The following MRPL33 variants were observed in gnomAD, a reference collection of about 807,000 sequenced individuals.
MRPL33 encodes the protein large ribosomal subunit protein bL33m.
A neutral mutation model predicts 10.1 loss-of-function variants in MRPL33; 5 were observed. The ratio of observed to expected loss-of-function variants is 0.49; its 90% CI spans 0.26 to 1.04. The LOEUF (loss-of-function observed/expected upper bound fraction) is 1.04, where lower values mean the gene tolerates loss of function less well. Ranked by LOEUF, MRPL33 falls within the 50% of genes least tolerant of loss-of-function variation. MRPL33 has a pLI of 0.14. For missense variants in MRPL33, 79 were observed against 78.1 expected (o/e 1.01, Z -0.04); for synonymous variants, 24 against 27.7 (o/e 0.87, Z 0.42).
intron 3 of MRPL33, among the ~76,000 whole-genome samples, chr2:27,778,368 T>C (rs1440127951): frequency 6.6e-6 from 1 of 152,114 alleles, no homozygotes; most frequent in Non-Finnish European, 1.5e-5. Flanking sequence ...AGTTCCTGGA[T>C]CTTCCTTGGG....
chr2:27,772,642 T>C, intron 1 of MRPL33, 32 bp from the exon 2 acceptor site: 1 of 1,543,828 alleles, frequency 6.5e-7, no homozygotes, highest in Non-Finnish European at 8.9e-7. Flanking sequence ...TATTTTTATT[T>C]TCTTTTCCAA....
In MRPL33 at chr2:27,774,524, C is replaced by G. The variant is rs1399909192; in HGVS notation, c.142C>G (p.Pro48Ala). 8.7e-6 allele frequency: 14 copies of G among 1,613,576 alleles called. No individual in the cohort carries two copies. Among genetic ancestry groups the G allele is most frequent in the African/African-American group, 1.3e-5 (1 of 75,024 alleles). The change falls in exon 3 of 4, where the codon CCA becomes GCA. Residue 48 changes from proline to alanine, a missense_variant. Pro to Ala is a conservative substitution (Grantham distance 27, BLOSUM62 -1). Transcript: ENST00000296102. ...REKLTLLHYD[P>A]VVKQRVLFVE... ...AAAACTGACTCTTTTGCATTATGATCCAGTTGGTAAGATCTGGGGAGGTTA... is the reference window on the plus strand; with the variant it reads ...AAAACTGACTCTTTTGCATTATGATGCAGTTGGTAAGATCTGGGGAGGTTA...
At chr2:27,772,466 G>A (rs1402493600) in intron 1 of MRPL33, 1 of 514,904 alleles carries the variant, frequency 1.9e-6, no homozygotes, top group African/African-American at 2.0e-5. Flanking sequence ...GAATTGTGTT[G>A]GTCTGATTGG....
At position 27,774,572 on chromosome 2, in the gene MRPL33, C is replaced by G. The variant is rs555547407; in HGVS notation, c.148+42C>G. Reference sequence around the variant, plus strand: ...TTAATGCTTCCAAGGCCTGTTGCCCCCTTTGTAGGCTGAACATCTGAACTC... The same window carrying G: ...TTAATGCTTCCAAGGCCTGTTGCCCGCTTTGTAGGCTGAACATCTGAACTC... On this transcript the variant is annotated intron_variant, in intron 3 of 3. Coordinates refer to ENST00000296102, the MANE Select transcript of MRPL33 (RefSeq NM_004891.4). 1.1e-4 allele frequency: 166 copies of G among 1,497,062 alleles called. 7 individuals are homozygous for G. The South Asian group carries it at 1.6e-3, about 15-fold the overall frequency. 92.7% of individuals were successfully genotyped at this position (1,497,062 alleles called of 1,614,324 possible). A position where few individuals can be genotyped will look rare whatever the true frequency, so the allele number is the denominator to read the frequency against.
At chr2:27,774,273 C>T in intron 2 of MRPL33, 151 bp from the exon 3 acceptor site, 5 of 638,222 alleles carry the variant, frequency 7.8e-6, no homozygotes, top group South Asian at 7.2e-5. Flanking sequence ...TCATGGAAAA[C>T]TTAGGCTGTC....
At position 27,774,494 on chromosome 2, in the gene MRPL33, C is replaced by G; in HGVS notation, c.112C>G (p.Arg38Gly). The stretch of plus-strand genomic sequence containing the variant: ...CTTCAACACCAAGAGAAACCGACTG[C>G]GGGAAAAACTGACTCTTTTGCATTA... ...FCFNTKRNRLREKLTLLHYDP... is the reference protein window; with the variant it reads ...FCFNTKRNRLGEKLTLLHYDP... Residue 38 changes from arginine to glycine, a missense_variant, in exon 3 of 4, where the codon CGG (arginine) becomes GGG (glycine). Transcript: ENST00000296102. The G allele has an allele frequency of 6.2e-7, 1 of 1,613,930 alleles. No individual in the cohort carries two copies. The highest frequency in any genetic ancestry group is 2.2e-5 in the East Asian group (1 of 44,874).
intron 3 of MRPL33, among the ~76,000 whole-genome samples, chr2:27,776,004 C>T (rs533278186): frequency 6.6e-6 from 1 of 152,130 alleles, no homozygotes; most frequent in Non-Finnish European, 1.5e-5. Context: ...GACTGAGTAA[C>T]ATTCTGTGAT....
intron 3 of MRPL33, among the ~76,000 whole-genome samples, chr2:27,776,585 A>G (rs1677178408): frequency 6.6e-6 from 1 of 152,256 alleles, no homozygotes; most frequent in African/African-American, 2.4e-5. Flanking sequence ...CTAGATGCTA[A>G]TTTCCGAAGA....
At chr2:27,774,056 C>T (rs1034291624) in intron 2 of MRPL33, among the ~76,000 whole-genome samples, 1 of 152,170 alleles carries the variant, frequency 6.6e-6, no homozygotes, top group Non-Finnish European at 1.5e-5. Context: ...TCTGAGACAG[C>T]GATCTTTACA....
At chr2:27,771,879 G>T in intron 1 of MRPL33, 80 bp downstream of exon 1, 1 of 1,417,032 alleles carries the variant, frequency 7.1e-7, no homozygotes. Context: ...GAATGATGCG[G>T]GGAAGGATGT....
chr2:27,772,648 T>C, intron 1 of MRPL33, 26 bp from the exon 2 acceptor site: 2 of 1,573,258 alleles, frequency 1.3e-6, no homozygotes. Flanking sequence ...TATTTTCTTT[T>C]CCAACCCTTC....
At chr2:27,773,323 T>A (rs1020676758) in intron 2 of MRPL33, among the ~76,000 whole-genome samples, 1 of 152,220 alleles carries the variant, frequency 6.6e-6, no homozygotes, top group African/African-American at 2.4e-5. Flanking sequence ...TCCTTAAAGC[T>A]AGTCTTTTGG....
At chr2:27,774,134 G>C (rs1020287463) in intron 2 of MRPL33, among the ~76,000 whole-genome samples, 11 of 152,148 alleles carry the variant, frequency 7.2e-5, no homozygotes, top group Non-Finnish European at 4.4e-5. Context: ...TCTGCTCCTC[G>C]TGAAGGGTGG....
chr2:27,772,545 A>C, intron 1 of MRPL33, 129 bp from the exon 2 acceptor site: 1 of 681,926 alleles, frequency 1.5e-6, no homozygotes, highest in Non-Finnish European at 2.4e-6. Context: ...TACTTGAGTG[A>C]CACCTCATGG....
intron 1 of MRPL33, 53 bp downstream of exon 1, chr2:27,771,852 T>G: frequency 1.3e-6 from 2 of 1,578,880 alleles, no homozygotes; most frequent in Non-Finnish European, 8.7e-7. Flanking sequence ...TAGGGGGCCG[T>G]GACAGGCAGG....
intron 3 of MRPL33, among the ~76,000 whole-genome samples, chr2:27,778,245 G>A (rs928284547): frequency 6.6e-6 from 1 of 152,152 alleles, no homozygotes; most frequent in South Asian, 2.1e-4. Context: ...ATTCTTAGTC[G>A]TAGATAGCTT....
At chr2:27,774,595 C>A in intron 3 of MRPL33, 65 bp downstream of exon 3, 1 of 1,306,038 alleles carries the variant, frequency 7.7e-7, no homozygotes, top group Non-Finnish European at 1.1e-6. Flanking sequence ...AACATCTGAA[C>A]TCTCTGGAGG....
rs779037006 is a variant in MRPL33 at position 27,771,796 on chromosome 2, T to C, written c.19T>C (p.Phe7Leu). 1 of 1,613,918 alleles carries C rather than the reference T, an allele frequency of 6.2e-7. No individual in the cohort carries two copies. Among genetic ancestry groups the C allele is most frequent in the East Asian group, 2.2e-5 (1 of 44,870 alleles). Residue 7 changes from phenylalanine (F) to leucine (L), a missense_variant, in exon 1 of 4, where the codon TTC becomes CTC. Phe to Leu is a conservative substitution (Grantham distance 22). Transcript: ENST00000296102. ...GGTCACCATGTTCCTCTCCGCGGTC[T>C]TCTGTAAGTGGGGCTGGAGACGCCG... MFLSAVFFAKSKSKNIL... is the reference protein window; with the variant it reads MFLSAVLFAKSKSKNIL...
intron 2 of MRPL33, among the ~76,000 whole-genome samples, chr2:27,773,817 TAAAA>T (rs566914156): frequency 5.8e-4 from 89 of 152,232 alleles, no homozygotes; most frequent in African/African-American, 2.0e-3. Context: ...ACATGAGAAA[TAAAA>T]TAACATGGTC....
Sources: allele counts gnomAD v4.1 joint callset (sites outside exome capture counted in the v4.1 genomes callset), GRCh38; gene constraint gnomAD v4.1.1; transcripts MANE v1.5; gene names NCBI Gene and HGNC (gene_info 2026-07-23, HGNC 2026-07-21).